The following SLC22A16 variants were observed in gnomAD, a reference collection of about 807,000 sequenced individuals.
SLC22A16 encodes the protein WUGSC:RG331P03.1.
SLC22A16 carries 53 observed loss-of-function variants against 52.9 expected under a neutral mutation model. That is an observed-to-expected ratio of 1.00 (90% CI 0.80 to 1.26). The LOEUF (loss-of-function observed/expected upper bound fraction) is 1.26. Ranked by LOEUF, SLC22A16 falls within the 50% of genes most tolerant of loss-of-function variation. The pLI, the probability that SLC22A16 is intolerant of heterozygous loss-of-function variation, is 0.00. For missense variants in SLC22A16, 726 were observed against 704.0 expected, an observed-to-expected ratio of 1.03 and a Z score of -0.35; for synonymous variants, 291 against 268.8, an observed-to-expected ratio of 1.08 and a Z score of -0.81.
chr6:110,468,018 A>G (rs963857305), intron 1 of SLC22A16, among the ~76,000 whole-genome samples: 2 of 152,210 alleles, frequency 1.3e-5, no homozygotes, highest in Admixed American at 6.5e-5. Context: ...TAGATAAATA[A>G]TAGGTTAAAT....
At chr6:110,432,651 A>T (rs544815352) in intron 6 of SLC22A16, among the ~76,000 whole-genome samples, 2 of 152,298 alleles carry the variant, frequency 1.3e-5, no homozygotes, top group South Asian at 4.1e-4. Context: ...GCCACAACGG[A>T]GCCAAAGCCA....
rs202145245 is a variant in SLC22A16 at position 110,425,356 on chromosome 6, T to C, written c.1522-271A>G. 253 of 1,383,664 alleles carry C rather than the reference T, an allele frequency of 1.8e-4. 1 individual carries two copies. The highest frequency in any genetic ancestry group is 1.7e-4 in the Admixed American group (8 of 45,858). The allele number at this position is 1,383,664 out of a possible 1,614,324, so 85.7% of individuals were successfully genotyped here. ...TAATTGCCAGCTACTGCCTGCATTATTACTCCTGAAGGTGCTGTCCTAGGA... is the reference window on the plus strand; with the variant it reads ...TAATTGCCAGCTACTGCCTGCATTACTACTCCTGAAGGTGCTGTCCTAGGA... On this transcript the variant is annotated intron_variant, in intron 7 of 7. Transcript: ENST00000368919.
intron 1 of SLC22A16, among the ~76,000 whole-genome samples, chr6:110,467,749 A>G (rs1776120361): frequency 6.6e-6 from 1 of 152,270 alleles, no homozygotes; most frequent in South Asian, 2.1e-4. Flanking sequence ...GTATACACAC[A>G]CATATTCATA....
intron 2 of SLC22A16, among the ~76,000 whole-genome samples, chr6:110,452,381 C>T (rs539769523): frequency 1.3e-5 from 2 of 152,136 alleles, no homozygotes; most frequent in East Asian, 3.9e-4. Context: ...TTTATTTCTC[C>T]TTTCCAATCA....
At chr6:110,427,803 T>C (rs113656696) in intron 7 of SLC22A16, among the ~76,000 whole-genome samples, 94 of 152,328 alleles carry the variant, frequency 6.2e-4, no homozygotes, top group African/African-American at 2.2e-3. Flanking sequence ...AAAAACAAGA[T>C]GTTTCTTAAT....
intron 7 of SLC22A16, 34 bp downstream of exon 7, chr6:110,431,137 C>A (rs371993403): frequency 4.5e-6 from 7 of 1,569,968 alleles, no homozygotes; most frequent in Non-Finnish European, 6.1e-6. Flanking sequence ...TGCCTCCGTG[C>A]CCCCTTGGGG....
chr6:110,430,669 C>G (rs1314818440), intron 7 of SLC22A16, among the ~76,000 whole-genome samples: 1 of 152,248 alleles, frequency 6.6e-6, no homozygotes, highest in Non-Finnish European at 1.5e-5. Context: ...TCTTTGAAAG[C>G]CAGGCAAATG....
Position 110,455,172 on chromosome 6 carries a change from A to G in SLC22A16, c.533+1366T>C, listed in dbSNP as rs141767599. 3.5e-3 allele frequency among the ~76,000 whole-genome samples: 520 copies of G among 150,046 alleles called. 1 individual carries two copies. Among genetic ancestry groups the G allele is most frequent in the African/African-American group, 0.012 (499 of 40,732 alleles). ...GGAACTAAATTTATTTTCAGTTAACATATTTTGTACTCTGACTGTGTTATA... is the reference window on the plus strand; with the variant it reads ...GGAACTAAATTTATTTTCAGTTAACGTATTTTGTACTCTGACTGTGTTATA... On this transcript the variant is annotated intron_variant, in intron 2 of 7. Transcript: ENST00000368919.
intron 7 of SLC22A16, among the ~76,000 whole-genome samples, chr6:110,427,296 T>C (rs1254276212): frequency 1.4e-5 from 2 of 144,672 alleles, no homozygotes; most frequent in Non-Finnish European, 3.0e-5. Flanking sequence ...GAAAAAGAAA[T>C]GTTCTTGACC....
chr6:110,457,233 G>C (rs561914792), intron 1 of SLC22A16, among the ~76,000 whole-genome samples: 1 of 152,154 alleles, frequency 6.6e-6, no homozygotes, highest in East Asian at 1.9e-4. Flanking sequence ...GACATCCCAA[G>C]AGCAGCAAGC....
chr6:110,425,491 T>C, intron 7 of SLC22A16: 2 of 1,050,780 alleles, frequency 1.9e-6, no homozygotes, highest in Admixed American at 5.2e-5. Flanking sequence ...GCAGGGACTG[T>C]CTTAGTCAAC....
Position 110,457,035 on chromosome 6 carries a change from C to T in SLC22A16, c.54-18G>A, listed in dbSNP as rs374142017. The T allele has an allele frequency of 7.9e-6, 12 of 1,513,594 alleles. No individual in the cohort carries two copies. The highest frequency in any genetic ancestry group is 9.7e-6 in the Non-Finnish European group (11 of 1,133,346). 93.8% of individuals were successfully genotyped at this position (1,513,594 alleles called of 1,614,324 possible). ...TCTGGAATCTGCAAGAGAAGAAAAGCTAATTATTATATCTGGTCTATAGGC... is the reference window on the plus strand; with the variant it reads ...TCTGGAATCTGCAAGAGAAGAAAAGTTAATTATTATATCTGGTCTATAGGC... On this transcript the variant is annotated intron_variant, in intron 1 of 7. Transcript: ENST00000368919.
intron 1 of SLC22A16, among the ~76,000 whole-genome samples, chr6:110,464,586 G>A (rs953434598): frequency 6.6e-6 from 1 of 151,610 alleles, no homozygotes; most frequent in African/African-American, 2.4e-5. Flanking sequence ...AACCCCTCAA[G>A]AGAAATAGAA....
At chr6:110,472,199 C>T (rs1311917414) in intron 1 of SLC22A16, among the ~76,000 whole-genome samples, 1 of 152,102 alleles carries the variant, frequency 6.6e-6, no homozygotes, top group African/African-American at 2.4e-5. Context: ...ATGGGGTGGG[C>T]TAGGAGGGGC....
intron 5 of SLC22A16, among the ~76,000 whole-genome samples, chr6:110,437,538 A>G (rs1269258935): frequency 6.6e-6 from 1 of 152,240 alleles, no homozygotes; most frequent in African/African-American, 2.4e-5. Flanking sequence ...GATCCTAAGC[A>G]TTAAGTAAAG....
At chr6:110,468,106 A>G (rs1351119624) in intron 1 of SLC22A16, among the ~76,000 whole-genome samples, 4 of 152,278 alleles carry the variant, frequency 2.6e-5, no homozygotes, top group African/African-American at 4.8e-5. Flanking sequence ...ACTGAATTCT[A>G]TCTATGGCAT....
chr6:110,457,101 T>A, intron 1 of SLC22A16, 84 bp from the exon 2 acceptor site: 1 of 1,329,860 alleles, frequency 7.5e-7, no homozygotes, highest in Non-Finnish European at 1.0e-6. Context: ...CTCCATCATG[T>A]TTATCTTAAC....
intron 2 of SLC22A16, chr6:110,455,625 T>C (rs184904093): frequency 2.4e-4 from 36 of 152,306 alleles, no homozygotes; most frequent in African/African-American, 8.7e-4. Context: ...ATTTTAAGAA[T>C]TACATATTCA....
rs370768615 is a variant in SLC22A16 at position 110,457,024 on chromosome 6, G to C, written c.54-7C>G. 2.0e-5 allele frequency: 30 copies of C among 1,517,080 alleles called. No homozygotes were observed. Among genetic ancestry groups the C allele is most frequent in the Non-Finnish European group, 2.4e-5 (27 of 1,135,310 alleles). 94.0% of individuals were successfully genotyped at this position (1,517,080 alleles called of 1,614,324 possible). ...ATAGAGGACTCTCTGGAATCTGCAA[G>C]AGAAGAAAAGCTAATTATTATATCT... On this transcript the variant is annotated splice_polypyrimidine_tract_variant and splice_region_variant and intron_variant, in intron 1 of 7. Transcript: ENST00000368919.
Sources: allele counts gnomAD v4.1 joint callset (sites outside exome capture counted in the v4.1 genomes callset), GRCh38; gene constraint gnomAD v4.1.1; transcripts MANE v1.5; gene names NCBI Gene and HGNC (gene_info 2026-07-23, HGNC 2026-07-21).